TBC1D9: variants seen among roughly 807,000 people sequenced by gnomAD.
TBC1D9 encodes TBC1 domain family member 9A.
A neutral mutation model predicts 132.0 loss-of-function variants in TBC1D9; 63 were observed. The ratio of observed to expected loss-of-function variants is 0.48; its 90% CI spans 0.39 to 0.59. TBC1D9 has a LOEUF of 0.59. Ranked by LOEUF, TBC1D9 falls within the 20% of genes least tolerant of loss-of-function variation. TBC1D9 has a pLI of 0.00. For synonymous variants in TBC1D9, 610 were observed against 609.9 expected, an observed-to-expected ratio of 1.00 and a Z score of 0.00; for missense variants, 1,261 against 1,592.7, an observed-to-expected ratio of 0.79 and a Z score of 3.54.
In TBC1D9 at chr4:140,642,306, T is replaced by G. The variant is rs968054719; in HGVS notation, c.2338-2878A>C. On this transcript the variant is annotated intron_variant, in intron 13 of 20. Transcript: ENST00000442267. ...AAACGCGGAATGGGCCGACTTGGGC[T>G]GGCCTCTGGCCTTGAACCCCACCCC... 20 of 737,496 alleles carry G rather than the reference T, an allele frequency of 2.7e-5. No homozygotes were observed. In the African/African-American group the frequency reaches 3.0e-4, roughly 11 times the overall value. The allele number at this position is 737,496 out of a possible 1,614,324, so 45.7% of individuals were successfully genotyped here.
chr4:140,749,379 C>G (rs1453989715), intron 1 of TBC1D9, among the ~76,000 whole-genome samples: 1 of 152,032 alleles, frequency 6.6e-6, no homozygotes, highest in African/African-American at 2.4e-5. Context: ...CCATATCCCA[C>G]CAAAAAGCAA....
At chr4:140,681,981 T>C (rs1174586800) in intron 3 of TBC1D9, among the ~76,000 whole-genome samples, 1 of 152,158 alleles carries the variant, frequency 6.6e-6, no homozygotes, top group East Asian at 1.9e-4. Flanking sequence ...ATTCCAAAGA[T>C]AAAAAGAATG....
Position 140,686,367 on chromosome 4 carries a change from T to C in TBC1D9, c.337A>G (p.Thr113Ala), listed in dbSNP as rs1737780110. The change falls in exon 3 of 21, where the codon ACA becomes GCA. Residue 113 changes from threonine to alanine, a missense_variant. Thr to Ala is a moderately conservative substitution (Grantham distance 58, BLOSUM62 0). Transcript: ENST00000442267. The part of the protein sequence containing the change: ...SIFENENDIT[T>A]FVRGKIQGII... ...ACCTGTATTTTTCCTCTCACAAATG[T>C]GGTGATATCATTCTCATTTTCAAAG... The C allele has an allele frequency of 2.5e-6, 4 of 1,601,898 alleles. No homozygotes were observed. The highest frequency in any genetic ancestry group is 3.4e-6 in the Non-Finnish European group (4 of 1,170,426).
Position 140,622,067 on chromosome 4 carries a change from AC to A in TBC1D9, c.*127del. The A allele has an allele frequency of 7.8e-7, 1 of 1,284,816 alleles. No homozygotes were observed. The highest frequency in any genetic ancestry group is 1.5e-5 in the African/African-American group (1 of 67,034). The allele number at this position is 1,284,816 out of a possible 1,614,324, so 79.6% of individuals were successfully genotyped here. Reference sequence around the variant, plus strand: ...GTTTTCATTGAATTACATTATGAAAACACTAGGCTTCAAGCCAGGTACTAAT... The same window carrying A: ...GTTTTCATTGAATTACATTATGAAAAACTAGGCTTCAAGCCAGGTACTAAT... On this transcript the variant is annotated 3_prime_UTR_variant, in exon 21 of 21. Coordinates refer to ENST00000442267, the MANE Select transcript of TBC1D9 (RefSeq NM_015130.3).
chr4:140,721,249 T>C (rs1234832466), intron 1 of TBC1D9, among the ~76,000 whole-genome samples: 2 of 152,214 alleles, frequency 1.3e-5, no homozygotes, highest in Non-Finnish European at 2.9e-5. Context: ...ACATACACTA[T>C]TTCAATTAAC....
chr4:140,702,897 C>A (rs1738093960), intron 1 of TBC1D9, among the ~76,000 whole-genome samples: 1 of 152,104 alleles, frequency 6.6e-6, no homozygotes, highest in South Asian at 2.1e-4. Context: ...GGAGCTCAGA[C>A]CAGCTGACAA....
intron 1 of TBC1D9, among the ~76,000 whole-genome samples, chr4:140,710,475 G>A (rs1189737954): frequency 6.6e-6 from 1 of 152,158 alleles, no homozygotes; most frequent in Non-Finnish European, 1.5e-5. Flanking sequence ...GAGAGAAGCC[G>A]TGACTTTCAT....
chr4:140,677,191 C>T, intron 5 of TBC1D9, 90 bp from the exon 6 acceptor site: 2 of 1,474,522 alleles, frequency 1.4e-6, no homozygotes, highest in Non-Finnish European at 1.9e-6. Flanking sequence ...GCCCATTTTC[C>T]ACCTCCTCAA....
At chr4:140,730,590 G>A (rs1448858255) in intron 1 of TBC1D9, among the ~76,000 whole-genome samples, 2 of 152,100 alleles carry the variant, frequency 1.3e-5, no homozygotes, top group East Asian at 1.9e-4. Flanking sequence ...AGCCAGGTGT[G>A]GTGGTGGGTG....
intron 13 of TBC1D9, among the ~76,000 whole-genome samples, chr4:140,649,080 G>A (rs1737147534): frequency 6.6e-6 from 1 of 152,224 alleles, no homozygotes. Flanking sequence ...ACAAGGTCAA[G>A]CTCAATCAAG....
chr4:140,631,015 T>G (rs898742891), intron 16 of TBC1D9, among the ~76,000 whole-genome samples: 1 of 152,210 alleles, frequency 6.6e-6, no homozygotes, highest in African/African-American at 2.4e-5. Context: ...GAAATGAACT[T>G]ATTGCCCATC....
chr4:140,732,577 TAA>T (rs1400283413), intron 1 of TBC1D9, among the ~76,000 whole-genome samples: 3 of 152,178 alleles, frequency 2.0e-5, no homozygotes, highest in Non-Finnish European at 4.4e-5. Flanking sequence ...TTCCTCTCAT[TAA>T]GTACTTATTT....
rs529015067 is a variant in TBC1D9 at position 140,692,510 on chromosome 4, T to C, written c.242-6048A>G. Among the ~76,000 whole-genome samples the C allele has an allele frequency of 2.6e-5, 4 of 152,232 alleles. No individual in the cohort carries two copies. The East Asian group carries it at 7.7e-4, about 29-fold the overall frequency. On this transcript the variant is annotated intron_variant, in intron 2 of 20. Transcript: ENST00000442267. ...CCAAGCCACCCTTGTACTTTCTACA[T>C]CCAGAAAAATTACAAACTTATATTC...
Position 140,678,985 on chromosome 4 carries a change from T to C in TBC1D9, c.808A>G (p.Lys270Glu). The change falls in exon 5 of 21, where the codon AAA (lysine) becomes GAA (glutamate). Residue 270 changes from lysine to glutamate, a missense_variant. Physicochemically the swap from Lys to Glu is moderately conservative, Grantham distance 56. Coordinates refer to ENST00000442267, the MANE Select transcript of TBC1D9 (RefSeq NM_015130.3). ...TTTTTAGGAGATTTCCTTTTGAGTT[T>C]GGGCAGGGATCGATCTTGTTCAAAT... The part of the protein sequence containing the change: ...EGFEQDRSLP[K>E]LKRKSPKKVS... 1.2e-6 allele frequency: 2 copies of C among 1,613,922 alleles called. No individual in the cohort carries two copies. Among genetic ancestry groups the C allele is most frequent in the Non-Finnish European group, 1.7e-6 (2 of 1,179,840 alleles).
intron 1 of TBC1D9, among the ~76,000 whole-genome samples, chr4:140,735,091 C>CA (rs1738652185): frequency 6.6e-6 from 1 of 152,162 alleles, no homozygotes; most frequent in Non-Finnish European, 1.5e-5. Flanking sequence ...TTCCCTTTAT[C>CA]AAATTCTTTC....
intron 1 of TBC1D9, among the ~76,000 whole-genome samples, chr4:140,744,675 G>A (rs910731015): frequency 6.6e-6 from 1 of 152,058 alleles, no homozygotes; most frequent in Non-Finnish European, 1.5e-5. Flanking sequence ...CCTGAGGTCA[G>A]GAGTTTGAGA....
chr4:140,671,674 CTG>C (rs34072180), intron 6 of TBC1D9, among the ~76,000 whole-genome samples: 44,456 of 141,448 alleles, frequency 0.31, 7,180 homozygotes, highest in East Asian at 0.64. Flanking sequence ...AACTACCAGA[CTG>C]TGTGTGTGTG....
At chr4:140,642,752 T>C (rs894325417) in intron 13 of TBC1D9, 37 of 649,878 alleles carry the variant, frequency 5.7e-5, no homozygotes, top group Middle Eastern at 5.1e-4. Flanking sequence ...TCCCAGCTCA[T>C]AGTCATCTGA....
chr4:140,726,225 G>A (rs939266434), intron 1 of TBC1D9, among the ~76,000 whole-genome samples: 1 of 152,054 alleles, frequency 6.6e-6, no homozygotes, highest in African/African-American at 2.4e-5. Context: ...GGAGGTGGAG[G>A]CTGCAGTGAG....
Sources: allele counts gnomAD v4.1 joint callset (sites outside exome capture counted in the v4.1 genomes callset), GRCh38; gene constraint gnomAD v4.1.1; transcripts MANE v1.5; gene names NCBI Gene and HGNC (gene_info 2026-07-23, HGNC 2026-07-21).